Variants in CEP19 observed in about 807,000 individuals in gnomAD.
The protein encoded by CEP19 is centrosomal protein 19, also known as centrosomal protein of 19 kDa.
CEP19 carries 14 observed loss-of-function variants against 17.5 expected under a neutral mutation model. The ratio of observed to expected loss-of-function variants is 0.80; its 90% CI spans 0.53 to 1.25. The LOEUF (loss-of-function observed/expected upper bound fraction) is 1.25. CEP19 is among the 50% of genes most tolerant of loss of function. The probability of loss-of-function intolerance (pLI) is 0.00; values close to 1 mark genes in which losing one functional copy is unlikely to be tolerated. For missense variants in CEP19, 193 were observed against 192.0 expected (o/e 1.01, Z -0.03); for synonymous variants, 59 against 65.5 (o/e 0.90, Z 0.48).
chr3:196,710,516 G>C (rs1305763147), intron 1 of CEP19, among the ~76,000 whole-genome samples: 1 of 152,110 alleles, frequency 6.6e-6, no homozygotes, highest in East Asian at 1.9e-4. Context: ...CTGCACTCCA[G>C]CATGGGTGAC....
At chr3:196,709,516 A>G (rs979739324) in intron 1 of CEP19, among the ~76,000 whole-genome samples, 11 of 152,200 alleles carry the variant, frequency 7.2e-5, no homozygotes, top group African/African-American at 2.7e-4. Context: ...TTTTGAAAGC[A>G]TTTACAGTCT....
rs1711581562 is a variant in CEP19 at position 196,707,801 on chromosome 3, A to G, written c.242T>C (p.Leu81Ser). The change falls in exon 3 of 3, where the codon TTG becomes TCG. Residue 81 changes from leucine (L) to serine (S), a missense_variant. By Grantham distance (145) the Leu-to-Ser change is moderately radical. Transcript: ENST00000409690. ...TGTTTCTGCCAGACTCTGCCCCGAC[A>G]AGTAACCTCGTAAAAAACTGAATAG... Reference protein sequence around the residue: ...EKLFSFLRGYLSGQSLAETME... With the variant: ...EKLFSFLRGYSSGQSLAETME... 3.1e-6 allele frequency: 5 copies of G among 1,614,148 alleles called. No individual in the cohort carries two copies. The highest frequency in any genetic ancestry group is 3.3e-4 in the Middle Eastern group (2 of 6,062).
intron 1 of CEP19, among the ~76,000 whole-genome samples, chr3:196,711,256 A>AT (rs890694112): frequency 6.6e-6 from 1 of 152,100 alleles, no homozygotes; most frequent in African/African-American, 2.4e-5. Context: ...GCCAGACTGA[A>AT]TTTTAAAAGG....
intron 2 of CEP19, 107 bp downstream of exon 2, chr3:196,708,421 A>G (rs1292468550): frequency 8.1e-6 from 8 of 986,252 alleles, no homozygotes; most frequent in Non-Finnish European, 1.2e-5. Context: ...GCTCACTGAG[A>G]GTAAGTAATT....
Position 196,712,107 on chromosome 3 carries a change from A to G in CEP19, c.-249T>C. ...CCCTACTGACGAGCCCGAGGGGTGA[A>G]CTCCCCGGCGGGAGGCCCGAACCCT... On this transcript the variant is annotated 5_prime_UTR_variant, in exon 1 of 3. Transcript: ENST00000409690. The G allele has an allele frequency of 1.6e-6, 1 of 625,354 alleles. No individual in the cohort carries two copies. The highest frequency in any genetic ancestry group is 3.0e-6 in the Non-Finnish European group (1 of 338,048). 38.7% of individuals were successfully genotyped at this position (625,354 alleles called of 1,614,324 possible).
chr3:196,709,826 A>G (rs1030452550), intron 1 of CEP19, among the ~76,000 whole-genome samples: 2 of 152,228 alleles, frequency 1.3e-5, no homozygotes, highest in Non-Finnish European at 2.9e-5. Flanking sequence ...ACATTCCCAG[A>G]AAGATTTGTA....
At chr3:196,709,840 G>A (rs1018130717) in intron 1 of CEP19, among the ~76,000 whole-genome samples, 1 of 152,216 alleles carries the variant, frequency 6.6e-6, no homozygotes, top group Non-Finnish European at 1.5e-5. Context: ...ATTTGTAAAT[G>A]TCAAGAAACA....
At chr3:196,711,212 C>T (rs1177728769) in intron 1 of CEP19, among the ~76,000 whole-genome samples, 1 of 152,058 alleles carries the variant, frequency 6.6e-6, no homozygotes, top group East Asian at 1.9e-4. Context: ...TAACAACAAA[C>T]TATCGTCCTT....
At position 196,708,592 on chromosome 3, in the gene CEP19, C is replaced by G; in HGVS notation, c.66G>C (p.Glu22Asp). 1 of 1,614,148 alleles carries G rather than the reference C, an allele frequency of 6.2e-7. No homozygotes were observed. Among genetic ancestry groups the G allele is most frequent in the African/African-American group, 1.3e-5 (1 of 75,048 alleles). The change falls in exon 2 of 3, where the codon GAG (glutamate) becomes GAC (aspartate). Residue 22 changes from glutamate to aspartate, a missense_variant. By Grantham distance (45) the Glu-to-Asp change is conservative. Coordinates refer to ENST00000409690, the MANE Select transcript of CEP19 (RefSeq NM_032898.5). Reference sequence around the variant, plus strand: ...GGCGAATTTTCCCCTTGATTTCACTCTCATAGATTAAGATAATAGCTGGAG... The same window carrying G: ...GGCGAATTTTCCCCTTGATTTCACTGTCATAGATTAAGATAATAGCTGGAG... Reference protein sequence around the residue: ...FQPPAIILIYESEIKGKIRQR... With the variant: ...FQPPAIILIYDSEIKGKIRQR...
intron 1 of CEP19, 177 bp from the exon 2 acceptor site, chr3:196,708,904 G>A (rs976304545): frequency 7.3e-5 from 35 of 476,688 alleles, no homozygotes; most frequent in Non-Finnish European, 1.1e-4. Flanking sequence ...CCTTGCGCAG[G>A]GGCCATGCTG....
intron 1 of CEP19, among the ~76,000 whole-genome samples, chr3:196,710,854 A>C (rs1374159109): frequency 6.8e-6 from 1 of 147,182 alleles, no homozygotes; most frequent in African/African-American, 2.4e-5. Context: ...AAAAAAAAAA[A>C]AAAAAAAAAA....
At chr3:196,709,601 A>G (rs1045273532) in intron 1 of CEP19, among the ~76,000 whole-genome samples, 1 of 152,250 alleles carries the variant, frequency 6.6e-6, no homozygotes, top group African/African-American at 2.4e-5. Context: ...CTGCAGCTAC[A>G]TCATATACAT....
chr3:196,709,946 GT>G (rs1711683955), intron 1 of CEP19, among the ~76,000 whole-genome samples: 1 of 152,140 alleles, frequency 6.6e-6, no homozygotes, highest in African/African-American at 2.4e-5. Context: ...ATACTTAGCA[GT>G]GATTATACAC....
chr3:196,710,606 G>A (rs189077212), intron 1 of CEP19, among the ~76,000 whole-genome samples: 189 of 152,220 alleles, frequency 1.2e-3, no homozygotes, highest in African/African-American at 4.4e-3. Context: ...GGGAGGCCAA[G>A]GAGAGGAGAT....
At chr3:196,711,063 G>C (rs534560166) in intron 1 of CEP19, among the ~76,000 whole-genome samples, 2 of 150,466 alleles carry the variant, frequency 1.3e-5, no homozygotes, top group East Asian at 3.9e-4. Context: ...TGAAGCAATG[G>C]CTGTACTCGT....
chr3:196,708,027 C>A, intron 2 of CEP19, 115 bp from the exon 3 acceptor site: 1 of 1,167,826 alleles, frequency 8.6e-7, no homozygotes, highest in Non-Finnish European at 1.2e-6. Context: ...AATATTATCT[C>A]CATTATAGTC....
rs1711570870 is a variant in CEP19 at position 196,707,622 on chromosome 3, C to T, written c.421G>A (p.Glu141Lys). 6.2e-7 allele frequency: 1 copy of T among 1,613,938 alleles called. No individual in the cohort carries two copies. The highest frequency in any genetic ancestry group is 8.5e-7 in the Non-Finnish European group (1 of 1,179,976). The change falls in exon 3 of 3, where the codon GAG becomes AAG. Residue 141 changes from glutamate to lysine, a missense_variant. Transcript: ENST00000409690. Reference sequence around the variant, plus strand: ...TGATCGTCCTGTGGAAATTCAACCTCAATGTCATAAACAAAATTTGGATCA... The same window carrying T: ...TGATCGTCCTGTGGAAATTCAACCTTAATGTCATAAACAAAATTTGGATCA... Reference protein sequence around the residue: ...KDDPNFVYDIEVEFPQDDQLQ... With the variant: ...KDDPNFVYDIKVEFPQDDQLQ...
chr3:196,711,202 TAAC>T (rs1254337345), intron 1 of CEP19, among the ~76,000 whole-genome samples: 4 of 152,222 alleles, frequency 2.6e-5, no homozygotes, highest in Non-Finnish European at 5.9e-5. Context: ...ATGAGGCTTA[TAAC>T]AACAAACTAT....
chr3:196,710,953 G>C (rs1175133480), intron 1 of CEP19, among the ~76,000 whole-genome samples: 2 of 129,712 alleles, frequency 1.5e-5, no homozygotes, highest in Non-Finnish European at 1.6e-5. Context: ...CTCTTTTCTT[G>C]CTTTTTTTTT....
Sources: allele counts gnomAD v4.1 joint callset (sites outside exome capture counted in the v4.1 genomes callset), GRCh38; gene constraint gnomAD v4.1.1; transcripts MANE v1.5; gene names NCBI Gene and HGNC (gene_info 2026-07-23, HGNC 2026-07-21).